SLC28A3: variants seen among roughly 807,000 people sequenced by gnomAD.
The protein encoded by SLC28A3 is concentrative Na(+)-nucleoside cotransporter 3.
A neutral mutation model predicts 84.2 loss-of-function variants in SLC28A3; 68 were observed. The ratio of observed to expected loss-of-function variants is 0.81; its 90% CI spans 0.66 to 0.99. The LOEUF (loss-of-function observed/expected upper bound fraction) is 0.99, where lower values mean the gene tolerates loss of function less well. SLC28A3 is among the 50% of genes least tolerant of loss of function. The pLI, the probability that SLC28A3 is intolerant of heterozygous loss-of-function variation, is 0.00. For missense variants in SLC28A3, 712 were observed against 841.5 expected (o/e 0.85, Z 1.90); for synonymous variants, 267 against 303.6 (o/e 0.88, Z 1.25).
chr9:84,279,571 A>C (rs1201516490), intron 16 of SLC28A3, among the ~76,000 whole-genome samples, 186 bp from the exon 17 acceptor site: 1 of 152,158 alleles, frequency 6.6e-6, no homozygotes, highest in Non-Finnish European at 1.5e-5. Flanking sequence ...CCTCCCAAGT[A>C]GCTGGGATTA....
At position 84,331,216 on chromosome 9, in the gene SLC28A3, C is replaced by T. The variant is rs73649411; in HGVS notation, c.60+9358G>A. On this transcript the variant is annotated intron_variant, in intron 1 of 17. Transcript: ENST00000376238. Reference sequence around the variant, plus strand: ...TCTTTTTTAACCTCCTTCCCAAAAGCGAATTATTGTCATGTGTTTTTGTGT... The same window carrying T: ...TCTTTTTTAACCTCCTTCCCAAAAGTGAATTATTGTCATGTGTTTTTGTGT... Among the ~76,000 whole-genome samples the T allele has an allele frequency of 6.3e-3, 962 of 152,110 alleles. 18 individuals carry two copies. Among genetic ancestry groups the T allele is most frequent in the African/African-American group, 0.022 (917 of 41,498 alleles).
chr9:84,285,439 T>A lies in SLC28A3; in HGVS notation c.1553A>T (p.Asn518Ile). 1 of 1,614,198 alleles carries A rather than the reference T, an allele frequency of 6.2e-7. No homozygotes were observed. The highest frequency in any genetic ancestry group is 8.5e-7 in the Non-Finnish European group (1 of 1,180,032). ...GAGGTGCTCATAAGCCACAAATTCA[T>A]TGAAGAAGGTCTTATAACCTATGAG... ...ARLIGYKTFF[N>I]EFVAYEHLSK... Residue 518 changes from asparagine (N) to isoleucine (I), a missense_variant, in exon 14 of 18, where the codon AAT (asparagine) becomes ATT (isoleucine). Transcript: ENST00000376238.
chr9:84,305,224 G>T, intron 4 of SLC28A3, 30 bp downstream of exon 4: 13 of 1,417,466 alleles, frequency 9.2e-6, no homozygotes, highest in African/African-American at 1.5e-5. Flanking sequence ...AAAAAAGACA[G>T]TGGTATCCCT....
chr9:84,345,728 A>G (rs185703909), upstream of SLC28A3, among the ~76,000 whole-genome samples: 76 of 152,290 alleles, frequency 5.0e-4, no homozygotes, highest in East Asian at 0.014. Flanking sequence ...TGTATATACA[A>G]CCATGATACT....
the SLC28A3 span, among the ~76,000 whole-genome samples, chr9:84,349,876 T>A: frequency 6.6e-6 from 1 of 152,256 alleles, no homozygotes; most frequent in Non-Finnish European, 1.5e-5. Flanking sequence ...CAATCTTTTT[T>A]AATAACACAG....
intron 1 of SLC28A3, among the ~76,000 whole-genome samples, chr9:84,327,719 AAG>A (rs1236278676): frequency 1.3e-5 from 2 of 151,760 alleles, no homozygotes; most frequent in African/African-American, 4.8e-5. Context: ...CTGAGGTCAG[AAG>A]TTTGAGACCA....
chr9:84,301,180 G>A (rs570319653), intron 5 of SLC28A3, among the ~76,000 whole-genome samples: 10 of 151,492 alleles, frequency 6.6e-5, no homozygotes, highest in South Asian at 2.1e-4. Flanking sequence ...TGAAACACCC[G>A]TCTCTACTAA....
chr9:84,342,127 C>CAACAA (rs775361776), upstream of SLC28A3, among the ~76,000 whole-genome samples: 1 of 68,770 alleles, frequency 1.5e-5, no homozygotes, highest in African/African-American at 5.9e-5. Context: ...GACCCTGTCT[C>CAACAA]AAAAAAAAAA....
chr9:84,280,675 AC>A (rs1196176575), intron 15 of SLC28A3, 125 bp downstream of exon 15: 3 of 837,864 alleles, frequency 3.6e-6, no homozygotes, highest in African/African-American at 3.4e-5. Flanking sequence ...AAAAAAATAG[AC>A]CCCAGAGGAC....
At chr9:84,324,550 G>C (rs1826486827) in intron 1 of SLC28A3, among the ~76,000 whole-genome samples, 1 of 151,850 alleles carries the variant, frequency 6.6e-6, no homozygotes, top group Non-Finnish European at 1.5e-5. Context: ...AGGCTGAGGT[G>C]GGAGGATTGC....
At chr9:84,293,784 C>T (rs773324320) in intron 9 of SLC28A3, among the ~76,000 whole-genome samples, 1 of 152,130 alleles carries the variant, frequency 6.6e-6, no homozygotes, top group Non-Finnish European at 1.5e-5. Flanking sequence ...CCTCCAAAAC[C>T]AGAAGTGTCT....
intron 1 of SLC28A3, among the ~76,000 whole-genome samples, chr9:84,316,472 C>G (rs955284386): frequency 6.6e-6 from 1 of 152,186 alleles, no homozygotes; most frequent in African/African-American, 2.4e-5. Flanking sequence ...TGTCTTGCTG[C>G]CCAGTGTGAG....
At chr9:84,365,744 T>G in the SLC28A3 span, among the ~76,000 whole-genome samples, 1 of 152,204 alleles carries the variant, frequency 6.6e-6, no homozygotes, top group African/African-American at 2.4e-5. Context: ...CTGTATATTT[T>G]CAGACAAGAT....
chr9:84,294,099 G>A (rs112101344), intron 9 of SLC28A3, 96 bp downstream of exon 9: 4 of 1,065,740 alleles, frequency 3.8e-6, no homozygotes, highest in African/African-American at 3.1e-5. Context: ...GGAAGAGAAA[G>A]GCACTTCGTA....
chr9:84,287,029 T>C (rs181104611), intron 12 of SLC28A3, among the ~76,000 whole-genome samples: 4 of 152,032 alleles, frequency 2.6e-5, no homozygotes, highest in African/African-American at 7.2e-5. Flanking sequence ...CATGGTGAAA[T>C]ACTGTCGCTA....
At chr9:84,307,132 CAAA>C (rs34204820) in intron 3 of SLC28A3, among the ~76,000 whole-genome samples, 2 of 119,646 alleles carry the variant, frequency 1.7e-5, no homozygotes. Flanking sequence ...CCGTCTCAAC[CAAA>C]AAAAAAAAAA....
At chr9:84,341,909 A>T (rs1458900395), upstream of SLC28A3, among the ~76,000 whole-genome samples, 2 of 152,154 alleles carry the variant, frequency 1.3e-5, no homozygotes, top group African/African-American at 4.8e-5. Context: ...CGGGTGGATC[A>T]CTTTAGGCCA....
chr9:84,333,875 C>T lies in SLC28A3; in HGVS notation c.60+6699G>A, dbSNP rs114658673. 2.9e-3 allele frequency among the ~76,000 whole-genome samples: 437 copies of T among 152,328 alleles called. 3 individuals carry two copies. The highest frequency in any genetic ancestry group is 0.01 in the African/African-American group (420 of 41,574). Reference sequence around the variant, plus strand: ...TCCCTAGCTGCAATGTTTGTAGAAGCTCCAAAAACCCCAAACTTAATAACG... The same window carrying T: ...TCCCTAGCTGCAATGTTTGTAGAAGTTCCAAAAACCCCAAACTTAATAACG... On this transcript the variant is annotated intron_variant, in intron 1 of 17. Coordinates refer to ENST00000376238, the MANE Select transcript of SLC28A3 (RefSeq NM_001199633.2).
chr9:84,341,740 T>G (rs1343989496), upstream of SLC28A3, among the ~76,000 whole-genome samples: 1 of 152,112 alleles, frequency 6.6e-6, no homozygotes, highest in Non-Finnish European at 1.5e-5. Flanking sequence ...ATAAAGCAAT[T>G]CACTTTGCTT....
Sources: gnomAD v4.1 joint callset for allele counts (sites outside exome capture counted in the v4.1 genomes callset) on GRCh38, gnomAD v4.1.1 for gene constraint, MANE v1.5 for transcripts, NCBI Gene and HGNC (gene_info 2026-07-23, HGNC 2026-07-21) for gene names.